The following COP1 variants were observed in gnomAD, a reference collection of about 807,000 sequenced individuals.
The protein encoded by COP1 is COP1 E3 ubiquitin ligase.
In COP1, 24 loss-of-function variants were observed where a neutral mutation model predicts 101.3. The ratio of observed to expected loss-of-function variants is 0.24; its 90% CI spans 0.17 to 0.33. The LOEUF (loss-of-function observed/expected upper bound fraction) is 0.33. COP1 is among the 10% of genes least tolerant of loss of function. COP1 has a pLI of 1.00. For synonymous variants in COP1, 347 were observed against 341.9 expected, an observed-to-expected ratio of 1.01 and a Z score of -0.17; for missense variants, 663 against 906.2, an observed-to-expected ratio of 0.73 and a Z score of 3.45.
intron 18 of COP1, among the ~76,000 whole-genome samples, chr1:175,962,882 T>C (rs1381719812): frequency 6.6e-6 from 1 of 152,176 alleles, no homozygotes; most frequent in African/African-American, 2.4e-5. Context: ...TTAAGTTGTG[T>C]ACTAGAAGGT....
intron 16 of COP1, 41 bp from the exon 17 acceptor site, chr1:175,988,453 C>T (rs200091789): frequency 6.5e-7 from 1 of 1,536,250 alleles, no homozygotes; most frequent in Non-Finnish European, 8.8e-7. Context: ...CTTAAAATTT[C>T]TTGGCACGAA....
chr1:175,997,112 G>T (rs1456679312), intron 15 of COP1, among the ~76,000 whole-genome samples: 4 of 151,974 alleles, frequency 2.6e-5, no homozygotes, highest in Non-Finnish European at 4.4e-5. Flanking sequence ...ACAACTATCT[G>T]ATCTTTGACA....
intron 18 of COP1, among the ~76,000 whole-genome samples, chr1:175,977,810 A>AC (rs771841375): frequency 6.6e-6 from 1 of 152,124 alleles, no homozygotes; most frequent in Non-Finnish European, 1.5e-5. Context: ...TATTAAATCC[A>AC]TTTTATTCAA....
chr1:176,052,609 T>C (rs978793702), intron 11 of COP1, among the ~76,000 whole-genome samples: 2 of 152,162 alleles, frequency 1.3e-5, no homozygotes, highest in Non-Finnish European at 2.9e-5. Context: ...TCTTAGAACA[T>C]ATTTCATTAA....
In COP1 at chr1:176,025,893, AC is replaced by A. The variant is rs368057576; in HGVS notation, c.1729+1678del. ...GACCCTGTCTCATAAAAACAAAAAA[AC>A]CAAAAAAAAAGAAAACCCAAACAAA... On this transcript the variant is annotated intron_variant, in intron 15 of 19. Transcript: ENST00000367669. Among the ~76,000 whole-genome samples, 399 of 152,060 alleles carry A rather than the reference AC, an allele frequency of 2.6e-3. 3 individuals carry two copies. The highest frequency in any genetic ancestry group is 9.2e-3 in the African/African-American group (382 of 41,490).
chr1:176,090,089 A>G (rs140626423), intron 9 of COP1, among the ~76,000 whole-genome samples: 1 of 152,180 alleles, frequency 6.6e-6, no homozygotes, highest in East Asian at 1.9e-4. Context: ...CCTTATCTTA[A>G]CCCAGACACT....
chr1:176,059,667 G>A (rs1674502409), intron 11 of COP1, among the ~76,000 whole-genome samples: 1 of 151,998 alleles, frequency 6.6e-6, no homozygotes, highest in Non-Finnish European at 1.5e-5. Context: ...ATTTTTAGTA[G>A]AGACGGGGTT....
intron 6 of COP1, among the ~76,000 whole-genome samples, chr1:176,148,361 T>G (rs1312086183): frequency 6.7e-6 from 1 of 148,956 alleles, no homozygotes; most frequent in African/African-American, 2.5e-5. Context: ...ATTCTTAACA[T>G]AAACATACCA....
intron 1 of COP1, among the ~76,000 whole-genome samples, chr1:176,200,843 C>T (rs1700193683): frequency 6.6e-6 from 1 of 152,122 alleles, no homozygotes; most frequent in South Asian, 2.1e-4. Context: ...AACCTGAATG[C>T]TTACAGAATT....
chr1:176,206,790 G>A lies in COP1; in HGVS notation c.189C>T (p.Gly63=). The A allele has an allele frequency of 7.2e-7, 1 of 1,388,908 alleles. No individual in the cohort carries two copies. The highest frequency in any genetic ancestry group is 9.2e-7 in the Non-Finnish European group (1 of 1,082,488). 86.0% of individuals were successfully genotyped at this position (1,388,908 alleles called of 1,614,324 possible). A position where few individuals can be genotyped will look rare whatever the true frequency, so the allele number is the denominator to read the frequency against. The stretch of plus-strand genomic sequence containing the variant: ...GCGCCACCAACACAGGCCGCACCGG[G>A]CCCCCGAGGCCGCCCGAGCCGGCGG... ...AQAAGSGGLG[G]PVRPVLVAPA... The change falls in exon 1 of 20, where the codon GGC becomes GGT. Residue 63 remains glycine (G), a synonymous_variant. Coordinates refer to ENST00000367669, the MANE Select transcript of COP1 (RefSeq NM_022457.7).
chr1:176,191,308 T>C (rs914455361), intron 1 of COP1, among the ~76,000 whole-genome samples: 4 of 152,172 alleles, frequency 2.6e-5, no homozygotes, highest in Admixed American at 2.0e-4. Flanking sequence ...ATCATTGTGA[T>C]TATGAAAATC....
rs1404017387 is a variant in COP1 at position 176,202,964 on chromosome 1, A to ATT, written c.407+3607_407+3608insAA. ...AGAGAGAATCTTAGTTTAACACAAA[A>ATT]TAGGCAGTCACATATTTACTGAATG... is the stretch of plus-strand genomic sequence containing the variant. On this transcript the variant is annotated intron_variant, in intron 1 of 19. Transcript: ENST00000367669. 4.6e-5 allele frequency among the ~76,000 whole-genome samples: 7 copies of ATT among 152,258 alleles called. No individual in the cohort carries two copies. The East Asian group carries it at 1.4e-3, about 30-fold the overall frequency.
At chr1:176,133,225 CGTACGTATA>C (rs1689224654) in intron 8 of COP1, among the ~76,000 whole-genome samples, 1 of 55,514 alleles carries the variant, frequency 1.8e-5, no homozygotes, top group Non-Finnish European at 4.5e-5. Flanking sequence ...TACGTATATA[CGTACGTATA>C]TGTACGTAGG....
intron 5 of COP1, among the ~76,000 whole-genome samples, chr1:176,155,934 A>G (rs1177045844): frequency 6.6e-6 from 1 of 152,086 alleles, no homozygotes; most frequent in African/African-American, 2.4e-5. Flanking sequence ...AAAAAGTTAT[A>G]CAAGTAAAAG....
chr1:176,165,361 CGTGTGTGTGTGTGTGTGT>C lies in COP1; in HGVS notation c.566-1488_566-1471del, dbSNP rs34291468. Among the ~76,000 whole-genome samples the C allele has an allele frequency of 3.0e-3, 397 of 132,140 alleles. 4 individuals are homozygous for C. The highest frequency in any genetic ancestry group is 0.011 in the African/African-American group (378 of 34,880). The allele number at this position is 132,140 out of a possible 152,430, so 86.7% of individuals were successfully genotyped here. ...GTGAGAGAGAGAGAGAGATGTGTGT[CGTGTGTGTGTGTGTGTGT>C]GTGTGTGTGTGTGTGTGTGTGTGTG... On this transcript the variant is annotated intron_variant, in intron 3 of 19. Transcript: ENST00000367669.
rs571794496 is a variant in COP1 at position 175,978,048 on chromosome 1, G to A, written c.2133+8895C>T. Among the ~76,000 whole-genome samples, 266 of 152,194 alleles carry A rather than the reference G, an allele frequency of 1.7e-3. 3 individuals carry two copies. The highest frequency in any genetic ancestry group is 3.1e-3 in the Non-Finnish European group (214 of 67,966). The stretch of plus-strand genomic sequence containing the variant: ...TATTTTGGATACTTTTTAGCATGGT[G>A]AGATTACAATAAAAGTTACTGTTAG... On this transcript the variant is annotated intron_variant, in intron 18 of 19. Transcript: ENST00000367669.
At chr1:175,971,017 G>A (rs1452257711) in intron 18 of COP1, among the ~76,000 whole-genome samples, 2 of 152,232 alleles carry the variant, frequency 1.3e-5, no homozygotes, top group Middle Eastern at 3.4e-3. Flanking sequence ...ACAGAAATGA[G>A]GAGATGAAAA....
At chr1:176,020,180 G>T (rs1009798692) in intron 15 of COP1, among the ~76,000 whole-genome samples, 5 of 150,996 alleles carry the variant, frequency 3.3e-5, no homozygotes, top group Admixed American at 3.3e-4. Context: ...GCATGGTGGC[G>T]CATGCCTGTA....
intron 1 of COP1, among the ~76,000 whole-genome samples, chr1:176,203,583 T>A (rs1323239833): frequency 2.6e-5 from 4 of 152,166 alleles, no homozygotes; most frequent in Non-Finnish European, 5.9e-5. Context: ...AAGAAAATTT[T>A]GCAAAAAACA....
Sources: gnomAD v4.1 joint callset for allele counts (sites outside exome capture counted in the v4.1 genomes callset) on GRCh38, gnomAD v4.1.1 for gene constraint, MANE v1.5 for transcripts, NCBI Gene and HGNC (gene_info 2026-07-23, HGNC 2026-07-21) for gene names.